Variants in ABCC12 observed in about 807,000 individuals in gnomAD.
ABCC12 encodes the protein ATP binding cassette subfamily C member 12.
ABCC12 carries 142 observed loss-of-function variants against 151.1 expected under a neutral mutation model. The ratio of observed to expected loss-of-function variants is 0.94; its 90% confidence interval spans 0.82 to 1.08. ABCC12 has a LOEUF of 1.08. Among genes scored for constraint, ABCC12 ranks in the 50% least tolerant of loss-of-function variants. The pLI, the probability that ABCC12 is intolerant of heterozygous loss-of-function variation, is 0.00. For synonymous variants in ABCC12, 645 were observed against 646.4 expected (o/e 1.00, Z 0.03); for missense variants, 1,638 against 1,691.1 (o/e 0.97, Z 0.55).
chr16:48,144,307 AT>A (rs1228603150), intron 3 of ABCC12, among the ~76,000 whole-genome samples: 30 of 152,372 alleles, frequency 2.0e-4, no homozygotes, highest in African/African-American at 7.0e-4. Context: ...TCAAAATTAA[AT>A]TACCTAAGTT....
chr16:48,119,612 G>T (rs1292821223), intron 13 of ABCC12, among the ~76,000 whole-genome samples: 1 of 152,246 alleles, frequency 6.6e-6, no homozygotes, highest in Non-Finnish European at 1.5e-5. Context: ...CATGGCCGGG[G>T]AAGAGGAGGT....
chr16:48,151,891 A>G (rs139440887), intron 2 of ABCC12, among the ~76,000 whole-genome samples: 85 of 152,312 alleles, frequency 5.6e-4, no homozygotes, highest in African/African-American at 1.9e-3. Flanking sequence ...GTAGAGGTCA[A>G]TACGGTCTGG....
At chr16:48,110,883 T>C (rs1270503682) in intron 18 of ABCC12, among the ~76,000 whole-genome samples, 2 of 152,230 alleles carry the variant, frequency 1.3e-5, no homozygotes, top group African/African-American at 4.8e-5. Flanking sequence ...CATCTCTTCT[T>C]ACTCTCCTCA....
chr16:48,144,132 T>A (rs1964921571), intron 3 of ABCC12, 67 bp from the exon 4 acceptor site: 1 of 1,541,958 alleles, frequency 6.5e-7, no homozygotes, highest in African/African-American at 1.4e-5. Context: ...CTCTCTGGAT[T>A]GAACTTGTAA....
In ABCC12 at chr16:48,082,470, T is replaced by C. The variant is rs895660357; in HGVS notation, c.*1245A>G. On this transcript the variant is annotated 3_prime_UTR_variant, in exon 31 of 31. Transcript: ENST00000311303. ...CATGCACACACACCTGGGAGGGGTG[T>C]CCGCCAGGCTCCACAGCTGTGTTTC... 6.6e-6 allele frequency among the ~76,000 whole-genome samples: 1 copy of C among 152,168 alleles called. No homozygotes were observed. Among genetic ancestry groups the C allele is most frequent in the Non-Finnish European group, 1.5e-5 (1 of 68,042 alleles).
chr16:48,102,935 C>G (rs1963358348), intron 22 of ABCC12, among the ~76,000 whole-genome samples: 1 of 152,168 alleles, frequency 6.6e-6, no homozygotes, highest in Admixed American at 6.5e-5. Flanking sequence ...AAATCCACAC[C>G]TCTCTTCTGT....
intron 1 of ABCC12, among the ~76,000 whole-genome samples, chr16:48,154,372 T>TA (rs1017757001): frequency 7.6e-4 from 113 of 148,784 alleles, no homozygotes; most frequent in Admixed American, 2.7e-3. Context: ...GATACCACAT[T>TA]AAAAAAAAAA....
At chr16:48,130,752 G>T in intron 10 of ABCC12, 36 bp downstream of exon 10, 1 of 1,515,944 alleles carries the variant, frequency 6.6e-7, no homozygotes, top group South Asian at 1.1e-5. Flanking sequence ...CCCAAAATGA[G>T]ATCTCTCTTC....
At chr16:48,100,090 G>T (rs1397958874) in intron 23 of ABCC12, among the ~76,000 whole-genome samples, 1 of 151,664 alleles carries the variant, frequency 6.6e-6, no homozygotes, top group Non-Finnish European at 1.5e-5. Flanking sequence ...CTCCCAAGTA[G>T]CTGACATTAC....
intron 8 of ABCC12, among the ~76,000 whole-genome samples, chr16:48,135,216 C>T (rs908661963): frequency 3.9e-5 from 6 of 152,070 alleles, no homozygotes; most frequent in Non-Finnish European, 7.3e-5. Flanking sequence ...AAGCATGAGC[C>T]GCCTGATTCT....
At chr16:48,147,476 A>G (rs1965040875) in intron 2 of ABCC12, among the ~76,000 whole-genome samples, 2 of 152,324 alleles carry the variant, frequency 1.3e-5, no homozygotes, top group South Asian at 4.1e-4. Context: ...GGAAGTTTTC[A>G]TAGCTAGAAG....
chr16:48,122,515 A>G (rs1486895698), intron 12 of ABCC12, among the ~76,000 whole-genome samples: 1 of 152,214 alleles, frequency 6.6e-6, no homozygotes, highest in East Asian at 1.9e-4. Context: ...GGCATCCAAT[A>G]GACAATGGTA....
chr16:48,119,791 T>C (rs755599242), intron 13 of ABCC12, among the ~76,000 whole-genome samples: 2 of 152,232 alleles, frequency 1.3e-5, no homozygotes, highest in Non-Finnish European at 2.9e-5. Context: ...TGGGAAGGTT[T>C]CTGAGTGACC....
intron 11 of ABCC12, among the ~76,000 whole-genome samples, chr16:48,127,975 C>T (rs562698901): frequency 1.1e-4 from 16 of 151,994 alleles, no homozygotes; most frequent in African/African-American, 3.1e-4. Context: ...AAAAATTATC[C>T]GGGCATGGTG....
intron 2 of ABCC12, among the ~76,000 whole-genome samples, chr16:48,149,336 T>C (rs922513373): frequency 2.1e-5 from 3 of 140,800 alleles, no homozygotes; most frequent in Admixed American, 1.4e-4. Flanking sequence ...AGCAAGCCAA[T>C]AGACTTAAAC....
rs1344902621 is a variant in ABCC12 at position 48,146,386 on chromosome 16, G to GA, written c.38_39insT (p.Gln14ProfsTer13). 7 of 1,614,046 alleles carry GA rather than the reference G, an allele frequency of 4.3e-6. No individual in the cohort carries two copies. In the East Asian group the frequency reaches 6.7e-5, roughly 15 times the overall value. ...CAAAGGATCTCCGCCGGCCTCGCTG[G>GA]TCCAGATCTGAGATAAGGTAGGGTC... On this transcript the variant is annotated frameshift_variant, in exon 3 of 31. Transcript: ENST00000311303. LOFTEE classifies it high-confidence loss of function.
At chr16:48,149,636 G>C (rs1727937864) in intron 2 of ABCC12, among the ~76,000 whole-genome samples, 1 of 142,078 alleles carries the variant, frequency 7.0e-6, no homozygotes, top group Admixed American at 6.9e-5. Flanking sequence ...ATAAATTCTA[G>C]TACACTGAAA....
intron 13 of ABCC12, chr16:48,121,359 T>C (rs1964060839): frequency 5.4e-6 from 1 of 184,456 alleles, no homozygotes. Context: ...TACTTGCTCA[T>C]GATTCTGAGC....
At chr16:48,115,346 GGCTCTGTGA>G in intron 15 of ABCC12, 60 bp downstream of exon 15, 3 of 1,520,166 alleles carry the variant, frequency 2.0e-6, no homozygotes, top group Non-Finnish European at 2.7e-6. Context: ...CAGAAGAGGA[GGCTCTGTGA>G]GCATCAGATC....
Sources: gnomAD v4.1 joint callset for allele counts (sites outside exome capture counted in the v4.1 genomes callset) on GRCh38, gnomAD v4.1.1 for gene constraint, MANE v1.5 for transcripts, NCBI Gene and HGNC (gene_info 2026-07-23, HGNC 2026-07-21) for gene names.